The following MBTPS2 variants were observed in gnomAD, a reference collection of about 807,000 sequenced individuals.
MBTPS2 encodes the protein membrane-bound transcription factor site-2 protease.
In MBTPS2, 2 loss-of-function variants were observed where a neutral mutation model predicts 35.4. That is an observed-to-expected ratio of 0.06 (90% CI 0.02 to 0.18). The LOEUF is 0.18. Among genes scored for constraint, MBTPS2 ranks in the 10% least tolerant of loss-of-function variants. The pLI is 1.00. For synonymous variants in MBTPS2, 125 were observed against 140.4 expected, an observed-to-expected ratio of 0.89 and a Z score of 0.77; for missense variants, 244 against 386.5, an observed-to-expected ratio of 0.63 and a Z score of 3.09.
chrX:21,857,759 T>C (rs2092925385), intron 5 of MBTPS2: 1 of 618,259 alleles, frequency 1.6e-6, no homozygotes, highest in Non-Finnish European at 2.4e-6. Context: ...GTAGTAAAAA[T>C]AGAATTTAAA....
intron 5 of MBTPS2, chrX:21,858,509 C>T (rs778109033): frequency 8.1e-6 from 1 of 123,123 alleles, no homozygotes; most frequent in East Asian, 2.8e-4. Context: ...GTGCTACTGG[C>T]ATCTGGTGAG....
intron 5 of MBTPS2, chrX:21,856,513 C>A (rs1016886887): frequency 9.9e-6 from 12 of 1,208,797 alleles, no homozygotes; most frequent in African/African-American, 1.7e-5. Flanking sequence ...TTCTCCATCA[C>A]ACAAGACCTG....
intron 3 of MBTPS2, among the ~76,000 whole-genome samples, chrX:21,845,802 T>C (rs921149229): frequency 3.6e-5 from 4 of 112,550 alleles, no homozygotes; most frequent in African/African-American, 1.3e-4. Context: ...AATATCCTTT[T>C]AATTAAAGAT....
intron 6 of MBTPS2, 135 bp downstream of exon 6, chrX:21,868,720 C>A: frequency 1.9e-6 from 1 of 523,300 alleles, no homozygotes; most frequent in Non-Finnish European, 3.4e-6. Context: ...TACTGTAGTC[C>A]TCTCAAATCT....
Position 21,865,197 on chromosome X carries a change from TA to T in MBTPS2, c.671-3257del, listed in dbSNP as rs147383898. On this transcript the variant is annotated intron_variant, in intron 5 of 10. Coordinates refer to ENST00000379484, the MANE Select transcript of MBTPS2 (RefSeq NM_015884.4). The stretch of plus-strand genomic sequence containing the variant: ...GAGCTACCACACGGGGCTATTTCTT[TA>T]AAAAAAAAAAAATGAAATATATACT... Among the ~76,000 whole-genome samples, 960 of 99,434 alleles carry T rather than the reference TA, an allele frequency of 9.7e-3. 4 individuals carry two copies. Among genetic ancestry groups the T allele is most frequent in the Non-Finnish European group, 0.014 (668 of 48,865 alleles). 86.3% of individuals were successfully genotyped at this position (99,434 alleles called of 115,157 possible).
chrX:21,843,216 A>G lies in MBTPS2; in HGVS notation c.122A>G (p.Asn41Ser). 1 of 1,210,218 alleles carries G rather than the reference A, an allele frequency of 8.3e-7. No homozygotes were observed. Among genetic ancestry groups the G allele is most frequent in the Non-Finnish European group, 1.1e-6 (1 of 893,932 alleles). ...TCTTATGAAGACTGGCTGGAAAACA[A>G]CGGACTGAGCATCTCCCCTTTCCAC... is the stretch of plus-strand genomic sequence containing the variant. ...KHSYEDWLENNGLSISPFHIR... is the reference protein window; with the variant it reads ...KHSYEDWLENSGLSISPFHIR... The change falls in exon 2 of 11, where the codon AAC (asparagine) becomes AGC (serine). Residue 41 changes from asparagine (N) to serine (S), a missense_variant. Asn to Ser is a conservative substitution (Grantham distance 46, BLOSUM62 1). Transcript: ENST00000379484.
intron 9 of MBTPS2, among the ~76,000 whole-genome samples, chrX:21,880,422 G>A (rs747755040): frequency 9.0e-6 from 1 of 111,384 alleles, no homozygotes; most frequent in Non-Finnish European, 1.9e-5. Flanking sequence ...ATTCAGGAAT[G>A]TGTACTGTGA....
chrX:21,860,405 T>A (rs2092929988), intron 5 of MBTPS2, among the ~76,000 whole-genome samples: 1 of 112,039 alleles, frequency 8.9e-6, no homozygotes, highest in African/African-American at 3.2e-5. Context: ...AGAGTGAGAC[T>A]CCGTCTCAAA....
chrX:21,882,785 C>G lies in MBTPS2; in HGVS notation c.*130C>G. ...TTAAAATTACATCTTAGCCAACAAC[C>G]CTGAGCTCCTCCCATATCCAGAGTA... is the stretch of plus-strand genomic sequence containing the variant. On this transcript the variant is annotated 3_prime_UTR_variant, in exon 11 of 11. Coordinates refer to ENST00000379484, the MANE Select transcript of MBTPS2 (RefSeq NM_015884.4). 1 of 1,140,359 alleles carries G rather than the reference C, an allele frequency of 8.8e-7. No homozygotes were observed. Among genetic ancestry groups the G allele is most frequent in the Non-Finnish European group, 1.2e-6 (1 of 859,838 alleles). 94.0% of individuals were successfully genotyped at this position (1,140,359 alleles called of 1,213,427 possible).
intron 5 of MBTPS2, among the ~76,000 whole-genome samples, chrX:21,867,782 A>ACG (rs1242871928): frequency 4.6e-5 from 5 of 109,636 alleles, no homozygotes; most frequent in Admixed American, 3.9e-4. Flanking sequence ...GGGACTACAG[A>ACG]CGCGCGCCAC....
intron 6 of MBTPS2, 84 bp downstream of exon 6, chrX:21,868,669 A>G: frequency 3.1e-6 from 2 of 650,051 alleles, no homozygotes; most frequent in Non-Finnish European, 5.2e-6. Context: ...TTTATTCAAG[A>G]TCTCTTCATA....
chrX:21,862,426 A>T (rs1184504089), intron 5 of MBTPS2, among the ~76,000 whole-genome samples: 1 of 110,996 alleles, frequency 9.0e-6, no homozygotes, highest in African/African-American at 3.3e-5. Context: ...GCAAGCTGGT[A>T]GGAGCAGGCT....
rs939127620 is a variant in MBTPS2, at chrX:21,883,324, A to G, written c.*669A>G. 1 of 754,113 alleles carries G rather than the reference A, an allele frequency of 1.3e-6. No individual in the cohort carries two copies. 62.1% of individuals were successfully genotyped at this position (754,113 alleles called of 1,213,427 possible). A position where few individuals can be genotyped will look rare whatever the true frequency, so the allele number is the denominator to read the frequency against. ...TTGCCCCACAAGAGTTGCATCTTTT[A>G]TAAGGTGTCTCTGCCCCCTCATAAA... On this transcript the variant is annotated 3_prime_UTR_variant, in exon 11 of 11. Transcript: ENST00000379484.
In MBTPS2 at chrX:21,867,701, C is replaced by T. The variant is rs746342028; in HGVS notation, c.671-766C>T. ...TCACCCAGGCTGGAGCGCAGTGGCA[C>T]GATCTCAGCTCACTGTAGTCTCCGC... is the stretch of plus-strand genomic sequence containing the variant. On this transcript the variant is annotated intron_variant, in intron 5 of 10. Transcript: ENST00000379484. Among the ~76,000 whole-genome samples the T allele has an allele frequency of 2.7e-3, 281 of 105,014 alleles. 2 individuals are homozygous for T. The highest frequency in any genetic ancestry group is 9.2e-3 in the African/African-American group (264 of 28,586). The allele number at this position is 105,014 out of a possible 115,157, so 91.2% of individuals were successfully genotyped here. A position where few individuals can be genotyped will look rare whatever the true frequency, so the allele number is the denominator to read the frequency against.
rs184847058 is a variant in MBTPS2 at position 21,860,697 on chromosome X, C to T, written c.670+7194C>T. ...AAGGAATCAGTGCTGCTGAGTGTCC[C>T]GGCTTTTACTCATTTGTTCATGTCT... On this transcript the variant is annotated intron_variant, in intron 5 of 10. Transcript: ENST00000379484. Among the ~76,000 whole-genome samples the T allele has an allele frequency of 1.4e-3, 158 of 111,640 alleles. 1 individual carries two copies. The highest frequency in any genetic ancestry group is 4.8e-3 in the African/African-American group (148 of 30,752).
chrX:21,860,111 G>GA (rs2092929586), intron 5 of MBTPS2, among the ~76,000 whole-genome samples: 1 of 106,799 alleles, frequency 9.4e-6, no homozygotes, highest in Non-Finnish European at 1.9e-5. Context: ...AAAAAAAAGA[G>GA]AAAAAGGGGC....
chrX:21,854,794 T>A (rs1418980206), intron 5 of MBTPS2, among the ~76,000 whole-genome samples: 1 of 111,886 alleles, frequency 8.9e-6, no homozygotes, highest in Admixed American at 9.5e-5. Context: ...CAGAAGACAA[T>A]ATTTTTTCAA....
rs398124305 is a variant in MBTPS2, at chrX:21,839,750, C to CTGGTGG, written c.29_34dup (p.Val10_Val11dup). The CTGGTGG allele has an allele frequency of 8.4e-7, 1 of 1,190,307 alleles. No homozygotes were observed. Among genetic ancestry groups the CTGGTGG allele is most frequent in the Non-Finnish European group, 1.1e-6 (1 of 884,236 alleles). On this transcript the variant is annotated inframe_insertion, in exon 1 of 11. Coordinates refer to ENST00000379484, the MANE Select transcript of MBTPS2 (RefSeq NM_015884.4). ...CGCTGCCGCCATGATTCCGGTGTCG[C>CTGGTGG]TGGTGGTGGTGGTGGTGGGTGGCTG...
chrX:21,857,628 T>C (rs776646563), intron 5 of MBTPS2: 22 of 1,176,595 alleles, frequency 1.9e-5, no homozygotes, highest in Non-Finnish European at 1.9e-5. Context: ...CTCTCAGACT[T>C]GGGAATTATC....
Sources: gnomAD v4.1 joint callset for allele counts (sites outside exome capture counted in the v4.1 genomes callset) on GRCh38, gnomAD v4.1.1 for gene constraint, MANE v1.5 for transcripts, NCBI Gene and HGNC (gene_info 2026-07-23, HGNC 2026-07-21) for gene names.